Variants in HERC1 observed in about 807,000 individuals in gnomAD.
HERC1 encodes the protein probable E3 ubiquitin-protein ligase HERC1.
HERC1 carries 160 observed loss-of-function variants against 554.3 expected under a neutral mutation model. That is an observed-to-expected ratio of 0.29 (90% CI 0.25 to 0.33). The LOEUF is 0.33. Among genes scored for constraint, HERC1 ranks in the 10% least tolerant of loss-of-function variants. The probability of loss-of-function intolerance (pLI) is 1.00; values close to 1 mark genes in which losing one functional copy is unlikely to be tolerated. For synonymous variants in HERC1, 2,175 were observed against 2,131.7 expected (o/e 1.02, Z -0.56); for missense variants, 4,919 against 5,918.5 (o/e 0.83, Z 5.54).
intron 70 of HERC1, among the ~76,000 whole-genome samples, chr15:63,626,690 G>A (rs1426922031): frequency 6.6e-6 from 1 of 152,110 alleles, no homozygotes; most frequent in Non-Finnish European, 1.5e-5. Flanking sequence ...AAGAAGCAAA[G>A]ACTACAAGGC....
chr15:63,709,008 G>C (rs1244069126), intron 24 of HERC1, among the ~76,000 whole-genome samples: 1 of 151,998 alleles, frequency 6.6e-6, no homozygotes, highest in Non-Finnish European at 1.5e-5. Flanking sequence ...TTTTTTGTTT[G>C]AGACAGTGTC....
chr15:63,749,888 G>T lies in HERC1; in HGVS notation c.1903-97C>A. 3 of 991,186 alleles carry T rather than the reference G, an allele frequency of 3.0e-6. No individual in the cohort carries two copies. Among genetic ancestry groups the T allele is most frequent in the Non-Finnish European group, 4.3e-6 (3 of 704,566 alleles). 61.4% of individuals were successfully genotyped at this position (991,186 alleles called of 1,614,324 possible). A position where few individuals can be genotyped will look rare whatever the true frequency, so the allele number is the denominator to read the frequency against. ...AATCTATGAAACTAAAGTGTGGTTTGATAGTAAATAACTTTCTGATGTTAA... is the reference window on the plus strand; with the variant it reads ...AATCTATGAAACTAAAGTGTGGTTTTATAGTAAATAACTTTCTGATGTTAA... On this transcript the variant is annotated intron_variant, in intron 8 of 77. Transcript: ENST00000443617. This position sits in a 1 kb window ranked among gnomAD's most constrained non-coding sequence, Gnocchi z 4.1.
At chr15:63,610,638 C>G (rs554216442) in intron 77 of HERC1, among the ~76,000 whole-genome samples, 4 of 152,212 alleles carry the variant, frequency 2.6e-5, no homozygotes, top group Admixed American at 2.6e-4. Context: ...CCTTCCTGCA[C>G]GTGGCTTCTC....
At chr15:63,667,201 A>G (rs981660739) in intron 40 of HERC1, among the ~76,000 whole-genome samples, 1 of 152,240 alleles carries the variant, frequency 6.6e-6, no homozygotes, top group African/African-American at 2.4e-5. Context: ...AAGATTATAC[A>G]GCATACTGAT....
At chr15:63,719,724 T>C (rs190556261) in intron 19 of HERC1, among the ~76,000 whole-genome samples, 1 of 152,300 alleles carries the variant, frequency 6.6e-6, no homozygotes, top group African/African-American at 2.4e-5. Flanking sequence ...GAAGGCAGAA[T>C]TGACAGAATT....
chr15:63,783,003 G>A (rs1388981766), intron 1 of HERC1, among the ~76,000 whole-genome samples: 1 of 152,198 alleles, frequency 6.6e-6, no homozygotes, highest in Admixed American at 6.5e-5. Flanking sequence ...TCTTATGGAT[G>A]AGCAAAGAAA....
At chr15:63,713,302 G>A in intron 23 of HERC1, 51 bp downstream of exon 23, 1 of 1,440,586 alleles carries the variant, frequency 6.9e-7, no homozygotes, top group Non-Finnish European at 9.7e-7. Flanking sequence ...AGTGCATAAA[G>A]TAATAAAGGG....
chr15:63,661,820 A>G lies in HERC1; in HGVS notation c.9103T>C (p.Leu3035=), dbSNP rs1353817993. The change falls in exon 45 of 78, where the codon TTA becomes CTA. Residue 3035 remains leucine (L), a synonymous_variant. Transcript: ENST00000443617. ...TACTTCTCCCTGCAGGTGCCACATA[A>G]CAGGTAGTACGGATTTCCACTCCCA... ...ECGSGNPYYL[L]CGTCREKYLA... 2.5e-6 allele frequency: 4 copies of G among 1,613,886 alleles called. No homozygotes were observed. The highest frequency in any genetic ancestry group is 1.3e-5 in the African/African-American group (1 of 74,908).
chr15:63,738,813 T>A (rs950334352), intron 12 of HERC1, among the ~76,000 whole-genome samples: 2 of 152,146 alleles, frequency 1.3e-5, no homozygotes, highest in African/African-American at 4.8e-5. Context: ...AAAATATAAT[T>A]TTTTAAGTTT....
chr15:63,798,854 C>G (rs1485892875), intron 1 of HERC1, among the ~76,000 whole-genome samples: 2 of 152,110 alleles, frequency 1.3e-5, no homozygotes, highest in African/African-American at 2.4e-5. Flanking sequence ...TTTATACGCC[C>G]TAAGCATTTA....
chr15:63,831,269 G>A (rs2078144129), intron 1 of HERC1, among the ~76,000 whole-genome samples: 1 of 152,054 alleles, frequency 6.6e-6, no homozygotes, highest in Non-Finnish European at 1.5e-5. Flanking sequence ...ACCACGTCCA[G>A]CAAATTTTTG....
chr15:63,770,986 C>T (rs894278902), intron 2 of HERC1, among the ~76,000 whole-genome samples: 66 of 152,128 alleles, frequency 4.3e-4, no homozygotes, highest in African/African-American at 1.3e-3. Context: ...GTTAGGAGTT[C>T]GAGACCAGCC....
intron 1 of HERC1, among the ~76,000 whole-genome samples, chr15:63,802,040 A>G (rs534281454): frequency 8.5e-5 from 13 of 152,344 alleles, no homozygotes; most frequent in East Asian, 3.9e-4. Flanking sequence ...TTAGAGAATC[A>G]TAAGAGAAAG....
At chr15:63,622,664 C>T (rs1566946891) in intron 74 of HERC1, 151 bp downstream of exon 74, 4 of 523,550 alleles carry the variant, frequency 7.6e-6, no homozygotes, top group Non-Finnish European at 9.7e-6. Flanking sequence ...AGGATAACAA[C>T]AATATTTACT....
intron 39 of HERC1, among the ~76,000 whole-genome samples, chr15:63,670,973 G>A (rs2070880824): frequency 6.6e-6 from 1 of 152,024 alleles, no homozygotes; most frequent in Non-Finnish European, 1.5e-5. Flanking sequence ...AGGCTAAGGT[G>A]GGCAGATCCC....
intron 1 of HERC1, among the ~76,000 whole-genome samples, chr15:63,807,713 A>G (rs1436933482): frequency 6.6e-6 from 1 of 152,084 alleles, no homozygotes; most frequent in East Asian, 1.9e-4. Context: ...CACACTCCCC[A>G]ACTGTCTCTG....
chr15:63,808,332 G>T lies in HERC1; in HGVS notation c.-27+25495C>A, dbSNP rs947512948. 5.3e-5 allele frequency among the ~76,000 whole-genome samples: 8 copies of T among 152,264 alleles called. No individual in the cohort carries two copies. In the East Asian group the frequency reaches 5.8e-4, roughly 11 times the overall value. ...AAACAGGGTCTTGCTCTGTTGCCTA[G>T]ATTAGACTGCAGTGGCACAATCACA... On this transcript the variant is annotated intron_variant, in intron 1 of 77. Transcript: ENST00000443617.
At position 63,723,269 on chromosome 15, in the gene HERC1, C is replaced by G. The variant is rs755998336; in HGVS notation, c.3655G>C (p.Ala1219Pro). The G allele has an allele frequency of 6.3e-7, 1 of 1,598,002 alleles. No individual in the cohort carries two copies. The highest frequency in any genetic ancestry group is 8.5e-7 in the Non-Finnish European group (1 of 1,171,278). The change falls in exon 19 of 78, where the codon GCT (alanine) becomes CCT (proline). Residue 1219 changes from alanine (A) to proline (P), a missense_variant. Physicochemically the swap from Ala to Pro is conservative, Grantham distance 27. Coordinates refer to ENST00000443617, the MANE Select transcript of HERC1 (RefSeq NM_003922.4). Reference sequence around the variant, plus strand: ...CCCAATGCCAAGTCTACATAGACAGCAATTTCAGGCCGCAATTTATAATCA... The same window carrying G: ...CCCAATGCCAAGTCTACATAGACAGGAATTTCAGGCCGCAATTTATAATCA... ...PFDYKLRPEI[A>P]VYVDLALGCS...
chr15:63,735,109 G>A (rs1423367313), intron 12 of HERC1, among the ~76,000 whole-genome samples: 1 of 152,136 alleles, frequency 6.6e-6, no homozygotes, highest in Non-Finnish European at 1.5e-5. Flanking sequence ...GTAAGGCTCT[G>A]CGCAAAGTGA....
Sources: allele counts gnomAD v4.1 joint callset (sites outside exome capture counted in the v4.1 genomes callset), GRCh38; gene constraint gnomAD v4.1.1; non-coding constraint Gnocchi (gnomAD v3.1); transcripts MANE v1.5; gene names NCBI Gene and HGNC (gene_info 2026-07-23, HGNC 2026-07-21).